WDR72: variants seen among roughly 807,000 people sequenced by gnomAD.
WDR72 encodes WD repeat domain 72, also known as WD repeat-containing protein 72.
A neutral mutation model predicts 124.2 loss-of-function variants in WDR72; 120 were observed. That is an observed-to-expected ratio of 0.97 (90% CI 0.83 to 1.12). The LOEUF is 1.12. WDR72 is among the 50% of genes most tolerant of loss of function. The probability of loss-of-function intolerance (pLI) is 0.00; values close to 1 mark genes in which losing one functional copy is unlikely to be tolerated. For missense variants in WDR72, 1,387 were observed against 1,278.8 expected (o/e 1.08, Z -1.29); for synonymous variants, 452 against 441.7 (o/e 1.02, Z -0.29).
At chr15:53,694,829 G>C (rs1172028618) in intron 13 of WDR72, among the ~76,000 whole-genome samples, 1 of 152,160 alleles carries the variant, frequency 6.6e-6, no homozygotes, top group African/African-American at 2.4e-5. Context: ...CTTTAAGAAT[G>C]AGTTATTATG....
rs1415006209 is a variant in WDR72, at chr15:53,685,491, C to T, written c.1765+14259G>A. Among the ~76,000 whole-genome samples the T allele has an allele frequency of 1.2e-3, 166 of 137,408 alleles. 2 individuals are homozygous for T. The highest frequency in any genetic ancestry group is 4.9e-4 in the South Asian group (2 of 4,114). The allele number at this position is 137,408 out of a possible 152,430, so 90.1% of individuals were successfully genotyped here. On this transcript the variant is annotated intron_variant, in intron 13 of 19. Transcript: ENST00000360509. ...GGAAGATGAAATGAATGAAATGAAG[C>T]GAGAAGGGAAGTTTAGAGAAAAAAG...
intron 13 of WDR72, among the ~76,000 whole-genome samples, chr15:53,683,070 T>C (rs773774547): frequency 4.0e-4 from 61 of 151,880 alleles, no homozygotes; most frequent in Admixed American, 1.5e-3. Context: ...TTTAAAACCA[T>C]TAGCTCTTGT....
At chr15:53,666,234 G>T (rs1308363182) in intron 13 of WDR72, among the ~76,000 whole-genome samples, 2 of 152,118 alleles carry the variant, frequency 1.3e-5, no homozygotes, top group Non-Finnish European at 2.9e-5. Context: ...CGGATGCTTT[G>T]TGTACTGCCT....
chr15:53,575,972 C>T (rs1366724280), intron 18 of WDR72, among the ~76,000 whole-genome samples: 1 of 151,940 alleles, frequency 6.6e-6, no homozygotes, highest in Non-Finnish European at 1.5e-5. Flanking sequence ...GCTTATAGGC[C>T]CTTTGATCTT....
chr15:53,661,625 T>C (rs1237733357), intron 14 of WDR72, among the ~76,000 whole-genome samples: 1 of 152,172 alleles, frequency 6.6e-6, no homozygotes, highest in Admixed American at 6.6e-5. Flanking sequence ...AGTTCATCAT[T>C]GTCTAATACA....
At chr15:53,564,949 A>G (rs186414282) in intron 18 of WDR72, among the ~76,000 whole-genome samples, 28 of 151,984 alleles carry the variant, frequency 1.8e-4, no homozygotes, top group African/African-American at 6.7e-4. Flanking sequence ...TACCTTTCTA[A>G]TATGTCCTCC....
chr15:53,701,786 A>C (rs1021994323), intron 12 of WDR72, among the ~76,000 whole-genome samples: 53 of 152,068 alleles, frequency 3.5e-4, no homozygotes, highest in African/African-American at 1.3e-3. Context: ...TTGAGTATCT[A>C]CTTTTTTAAA....
At chr15:53,688,922 C>T (rs577775204) in intron 13 of WDR72, among the ~76,000 whole-genome samples, 2 of 152,232 alleles carry the variant, frequency 1.3e-5, no homozygotes, top group South Asian at 4.1e-4. Context: ...ATATCTACAG[C>T]TATCTGATCT....
At chr15:53,708,312 T>C (rs1359909299) in intron 9 of WDR72, among the ~76,000 whole-genome samples, 2 of 152,174 alleles carry the variant, frequency 1.3e-5, no homozygotes, top group Admixed American at 6.5e-5. Flanking sequence ...AGCAAGTTGG[T>C]TACTGTAGGC....
At chr15:53,529,164 A>ATTTTTTTTTTTTT (rs1221581823) in intron 18 of WDR72, among the ~76,000 whole-genome samples, 2 of 78,168 alleles carry the variant, frequency 2.6e-5, no homozygotes, top group African/African-American at 1.0e-4. Flanking sequence ...ATATATATAT[A>ATTTTTTTTTTTTT]TTTTTTTTTT....
At chr15:53,655,561 T>C (rs981615612) in intron 14 of WDR72, among the ~76,000 whole-genome samples, 15 of 152,280 alleles carry the variant, frequency 9.9e-5, no homozygotes, top group South Asian at 4.1e-4. Flanking sequence ...AAAACAGAGA[T>C]TGGCCTGAGA....
chr15:53,742,097 G>C (rs2018526075), intron 1 of WDR72, among the ~76,000 whole-genome samples: 1 of 152,188 alleles, frequency 6.6e-6, no homozygotes, highest in South Asian at 2.1e-4. Flanking sequence ...ATTGTACAGT[G>C]AGGAGAAAGA....
intron 11 of WDR72, among the ~76,000 whole-genome samples, chr15:53,702,596 G>A (rs1194469483): frequency 6.6e-6 from 1 of 152,118 alleles, no homozygotes; most frequent in African/African-American, 2.4e-5. Context: ...TTCTAGGCCA[G>A]GCATGGTGGC....
intron 13 of WDR72, among the ~76,000 whole-genome samples, chr15:53,679,422 A>T (rs2016300290): frequency 6.6e-6 from 1 of 152,228 alleles, no homozygotes. Flanking sequence ...AGGAAAAGAA[A>T]ACTTTGAGAA....
chr15:53,650,446 G>A (rs763283987), intron 14 of WDR72, among the ~76,000 whole-genome samples: 1 of 152,128 alleles, frequency 6.6e-6, no homozygotes, highest in Non-Finnish European at 1.5e-5. Context: ...AATAAAATAA[G>A]AAGTTGAAGT....
chr15:53,674,516 G>A (rs1210292043), intron 13 of WDR72, among the ~76,000 whole-genome samples: 2 of 152,112 alleles, frequency 1.3e-5, no homozygotes, highest in East Asian at 3.8e-4. Flanking sequence ...CCACAAACAG[G>A]GGCCCTGGAG....
At chr15:53,670,302 T>C (rs2015941830) in intron 13 of WDR72, among the ~76,000 whole-genome samples, 1 of 152,156 alleles carries the variant, frequency 6.6e-6, no homozygotes, top group Non-Finnish European at 1.5e-5. Context: ...GAAAGATCAG[T>C]TTCCAAAGTT....
At chr15:53,752,579 C>A (rs142041859) in intron 1 of WDR72, among the ~76,000 whole-genome samples, 7 of 152,152 alleles carry the variant, frequency 4.6e-5, no homozygotes, top group Non-Finnish European at 8.8e-5. Context: ...AAGGAACCAA[C>A]CCTGCTGACA....
chr15:53,719,875 T>C (rs1006446063), intron 3 of WDR72, among the ~76,000 whole-genome samples: 1 of 152,198 alleles, frequency 6.6e-6, no homozygotes, highest in Non-Finnish European at 1.5e-5. Flanking sequence ...GGTGCCCTAC[T>C]TCTCTGGGCT....
Sources: allele counts gnomAD v4.1 joint callset (sites outside exome capture counted in the v4.1 genomes callset), GRCh38; gene constraint gnomAD v4.1.1; transcripts MANE v1.5; gene names NCBI Gene and HGNC (gene_info 2026-07-23, HGNC 2026-07-21).